Variants in GCH1 observed in about 807,000 individuals in gnomAD.
GCH1 encodes the protein GTP cyclohydrolase 1, also known as GTP cyclohydrolase I.
Under a neutral mutation model 25.9 loss-of-function variants are expected in GCH1, and 5 were observed. The observed-to-expected ratio is 0.19, with a 90% CI of 0.10 to 0.41. The LOEUF (loss-of-function observed/expected upper bound fraction) is 0.41, where lower values mean the gene tolerates loss of function less well. GCH1 is among the 10% of genes least tolerant of loss of function. The pLI, the probability that GCH1 is intolerant of heterozygous loss-of-function variation, is 1.00. For synonymous variants in GCH1, 159 were observed against 129.6 expected, an observed-to-expected ratio of 1.23 and a Z score of -1.54; for missense variants, 261 against 336.5, an observed-to-expected ratio of 0.78 and a Z score of 1.75.
intron 3 of GCH1, among the ~76,000 whole-genome samples, chr14:54,848,453 C>G (rs1348765157): frequency 3.3e-5 from 5 of 152,152 alleles, no homozygotes. Context: ...CCCCTTTCAA[C>G]ATCTTTCATT....
Position 54,858,347 on chromosome 14 carries a change from A to T in GCH1, c.509+1334T>A, listed in dbSNP as rs372807559. ...ATCGCCCAGGCTGGAGTGCAATGGC[A>T]CAATCTCGGCTCACTGCAAGCTCTG... On this transcript the variant is annotated intron_variant, in intron 3 of 5. Transcript: ENST00000491895. 3.3e-5 allele frequency among the ~76,000 whole-genome samples: 5 copies of T among 152,106 alleles called. 1 individual carries two copies. In the South Asian group the frequency reaches 1.0e-3, roughly 32 times the overall value.
intron 3 of GCH1, among the ~76,000 whole-genome samples, chr14:54,850,988 A>G (rs2039721324): frequency 6.6e-6 from 1 of 152,210 alleles, no homozygotes; most frequent in Non-Finnish European, 1.5e-5. Context: ...AAACTATACT[A>G]CAAGGCTACA....
chr14:54,868,270 A>G (rs188645254), intron 1 of GCH1, among the ~76,000 whole-genome samples: 15 of 152,190 alleles, frequency 9.9e-5, no homozygotes, highest in Non-Finnish European at 1.9e-4. Context: ...GAAAAAAATT[A>G]GCCAGGCACG....
intron 1 of GCH1, among the ~76,000 whole-genome samples, chr14:54,879,984 C>CAAAAA (rs35476604): frequency 4.0e-5 from 2 of 49,586 alleles, no homozygotes; most frequent in African/African-American, 6.8e-5. Flanking sequence ...GGCTCTGTCT[C>CAAAAA]AAAAAAAAAA....
At chr14:54,884,581 C>T (rs1278988674) in intron 1 of GCH1, among the ~76,000 whole-genome samples, 3 of 151,964 alleles carry the variant, frequency 2.0e-5, no homozygotes, top group Admixed American at 6.6e-5. Context: ...ACCAGCCTGG[C>T]CAACATGGTG....
At chr14:54,901,307 C>G (rs541799034) in intron 1 of GCH1, among the ~76,000 whole-genome samples, 1 of 152,178 alleles carries the variant, frequency 6.6e-6, no homozygotes, top group African/African-American at 2.4e-5. Flanking sequence ...CCAAGACACA[C>G]GGAAGGTGTA....
At chr14:54,889,301 C>G (rs2040395376) in intron 1 of GCH1, among the ~76,000 whole-genome samples, 1 of 152,172 alleles carries the variant, frequency 6.6e-6, no homozygotes, top group Admixed American at 6.5e-5. Context: ...CACGCATAGC[C>G]CTTCCTCACT....
Position 54,843,072 on chromosome 14 carries a change from T to C in GCH1, c.*945A>G, listed in dbSNP as rs1366338947. On this transcript the variant is annotated 3_prime_UTR_variant, in exon 6 of 6. Coordinates refer to ENST00000491895, the MANE Select transcript of GCH1 (RefSeq NM_000161.3). Reference sequence around the variant, plus strand: ...CTGCAGACCTGAAAATGATGGGCACTCTCAAATGTTTCTGGAAATACTTAG... The same window carrying C: ...CTGCAGACCTGAAAATGATGGGCACCCTCAAATGTTTCTGGAAATACTTAG... The C allele has an allele frequency of 3.1e-6, 4 of 1,286,154 alleles. No homozygotes were observed. Among genetic ancestry groups the C allele is most frequent in the Non-Finnish European group, 4.5e-6 (4 of 883,198 alleles). 79.7% of individuals were successfully genotyped at this position (1,286,154 alleles called of 1,614,324 possible). A position where few individuals can be genotyped will look rare whatever the true frequency, so the allele number is the denominator to read the frequency against.
chr14:54,896,714 C>A (rs1157281431), intron 1 of GCH1, among the ~76,000 whole-genome samples: 1 of 151,326 alleles, frequency 6.6e-6, no homozygotes, highest in Non-Finnish European at 1.5e-5. Context: ...AGATCAAGAC[C>A]ATCCTGGCTA....
chr14:54,859,305 G>T, intron 3 of GCH1: 1 of 268,646 alleles, frequency 3.7e-6, no homozygotes, highest in South Asian at 4.7e-5. Flanking sequence ...GCAGAGCACT[G>T]CAGCTAGACC....
intron 1 of GCH1, among the ~76,000 whole-genome samples, chr14:54,884,543 G>T (rs1239107996): frequency 6.6e-6 from 1 of 152,144 alleles, no homozygotes; most frequent in East Asian, 1.9e-4. Flanking sequence ...GCCAAGGCAG[G>T]CGTATCATTT....
At position 54,861,338 on chromosome 14, in the gene GCH1, T is replaced by C. The variant is rs7147200; in HGVS notation, c.454-1602A>G. 7.5e-3 allele frequency among the ~76,000 whole-genome samples: 1,138 copies of C among 152,326 alleles called. 7 individuals carry two copies. The highest frequency in any genetic ancestry group is 0.024 in the African/African-American group (1,005 of 41,574). On this transcript the variant is annotated intron_variant, in intron 2 of 5. Coordinates refer to ENST00000491895, the MANE Select transcript of GCH1 (RefSeq NM_000161.3). ...CTTTCCCATGAACCAAGGTCTTCTA[T>C]GCTGTCTGAAATTTTTACATTTCCA...
At chr14:54,893,480 G>A (rs2040448937) in intron 1 of GCH1, among the ~76,000 whole-genome samples, 1 of 152,138 alleles carries the variant, frequency 6.6e-6, no homozygotes, top group African/African-American at 2.4e-5. Context: ...GGTGGACAAA[G>A]CAAATAGCAG....
rs993157713 is a variant in GCH1, at chr14:54,842,759, C to T, written c.*1258G>A. On this transcript the variant is annotated 3_prime_UTR_variant, in exon 6 of 6. Coordinates refer to ENST00000491895, the MANE Select transcript of GCH1 (RefSeq NM_000161.3). Reference sequence around the variant, plus strand: ...TGTTTGTGTTTCTGTGGAGGAGTTGCGGTTTTGTTTGTTTTAATTTGGCCC... The same window carrying T: ...TGTTTGTGTTTCTGTGGAGGAGTTGTGGTTTTGTTTGTTTTAATTTGGCCC... 7 of 370,152 alleles carry T rather than the reference C, an allele frequency of 1.9e-5. No individual in the cohort carries two copies. The highest frequency in any genetic ancestry group is 1.3e-4 in the South Asian group (1 of 7,634). The allele number at this position is 370,152 out of a possible 1,614,324, so 22.9% of individuals were successfully genotyped here. A position where few individuals can be genotyped will look rare whatever the true frequency, so the allele number is the denominator to read the frequency against.
intron 1 of GCH1, among the ~76,000 whole-genome samples, chr14:54,880,750 T>C (rs1289583053): frequency 3.0e-5 from 2 of 67,190 alleles, no homozygotes; most frequent in Admixed American, 1.8e-4. Context: ...CATATATATA[T>C]ACTCCATATA....
In GCH1 at chr14:54,880,774, CAT is replaced by C. The variant is rs1201380481; in HGVS notation, c.344-15340_344-15339del. ...ATACTCCATATATATATATATACTC[CAT>C]ATATATATATACTCCATATATATAT... On this transcript the variant is annotated intron_variant, in intron 1 of 5. Transcript: ENST00000491895. Among the ~76,000 whole-genome samples, 93 of 52,262 alleles carry C rather than the reference CAT, an allele frequency of 1.8e-3. 13 individuals carry two copies. Among genetic ancestry groups the C allele is most frequent in the Non-Finnish European group, 2.4e-3 (77 of 31,952 alleles). 34.3% of individuals were successfully genotyped at this position (52,262 alleles called of 152,430 possible).
In GCH1 at chr14:54,842,941, CA is replaced by C; in HGVS notation, c.*1075del. 6.1e-6 allele frequency: 4 copies of C among 661,156 alleles called. No individual in the cohort carries two copies. The South Asian group carries it at 7.6e-5, about 13-fold the overall frequency. The allele number at this position is 661,156 out of a possible 1,614,324, so 41.0% of individuals were successfully genotyped here. A position where few individuals can be genotyped will look rare whatever the true frequency, so the allele number is the denominator to read the frequency against. On this transcript the variant is annotated 3_prime_UTR_variant, in exon 6 of 6. Coordinates refer to ENST00000491895, the MANE Select transcript of GCH1 (RefSeq NM_000161.3). The stretch of plus-strand genomic sequence containing the variant: ...ACCAGAAGCTTCCAGTGCATTTTCA[CA>C]GATCGTTGGTACGATACGCTTTGGT...
At chr14:54,901,916 C>T (rs574433870) in intron 1 of GCH1, among the ~76,000 whole-genome samples, 1 of 152,190 alleles carries the variant, frequency 6.6e-6, no homozygotes, top group Non-Finnish European at 1.5e-5. Flanking sequence ...ACCCAGGAAG[C>T]CGTCGCCGCA....
chr14:54,867,376 T>C (rs1264318564), intron 1 of GCH1, among the ~76,000 whole-genome samples: 2 of 151,688 alleles, frequency 1.3e-5, no homozygotes, highest in Non-Finnish European at 2.9e-5. Flanking sequence ...TCACCTGAGG[T>C]CAGGTGTTTG....
Sources: allele counts gnomAD v4.1 joint callset (sites outside exome capture counted in the v4.1 genomes callset), GRCh38; gene constraint gnomAD v4.1.1; transcripts MANE v1.5; gene names NCBI Gene and HGNC (gene_info 2026-07-23, HGNC 2026-07-21).